The following NLRP5 variants were observed in gnomAD, a reference collection of about 807,000 sequenced individuals.
NLRP5 encodes the protein NLR family pyrin domain containing 5.
Under a neutral mutation model 113.1 loss-of-function variants are expected in NLRP5, and 93 were observed. The ratio of observed to expected loss-of-function variants is 0.82; its 90% CI spans 0.70 to 0.98. The LOEUF is 0.98. Ranked by LOEUF, NLRP5 falls within the 50% of genes least tolerant of loss-of-function variation. The probability of loss-of-function intolerance (pLI) is 0.00; values close to 1 mark genes in which losing one functional copy is unlikely to be tolerated. For synonymous variants in NLRP5, 751 were observed against 600.7 expected (o/e 1.25, Z -3.66); for missense variants, 1,808 against 1,514.3 (o/e 1.19, Z -3.22).
At chr19:56,007,779 G>T (rs1245601552) in intron 2 of NLRP5, among the ~76,000 whole-genome samples, 1 of 151,274 alleles carries the variant, frequency 6.6e-6, no homozygotes, top group Non-Finnish European at 1.5e-5. Context: ...TCTTTCTACT[G>T]TCCATGAGAT....
chr19:56,043,542 C>CTTTTTTTTTTTT lies in NLRP5; in HGVS notation c.2957+2480_2957+2491dup, dbSNP rs369622191. The stretch of plus-strand genomic sequence containing the variant: ...TGGATTGTCTGTTTACTCTGCTATT[C>CTTTTTTTTTTTT]TTTTTTTTTTTTTTTTTTTTTTTTT... On this transcript the variant is annotated intron_variant, in intron 11 of 14. Coordinates refer to ENST00000390649, the MANE Select transcript of NLRP5 (RefSeq NM_153447.4). Among the ~76,000 whole-genome samples the CTTTTTTTTTTTT allele has an allele frequency of 3.7e-4, 34 of 92,946 alleles. 8 individuals are homozygous for CTTTTTTTTTTTT. Among genetic ancestry groups the CTTTTTTTTTTTT allele is most frequent in the East Asian group, 1.9e-3 (4 of 2,110 alleles). 61.0% of individuals were successfully genotyped at this position (92,946 alleles called of 152,430 possible). A position where few individuals can be genotyped will look rare whatever the true frequency, so the allele number is the denominator to read the frequency against.
chr19:55,999,796 C>G, intron 1 of NLRP5: 3 of 1,610,730 alleles, frequency 1.9e-6, no homozygotes, highest in Non-Finnish European at 2.5e-6. Flanking sequence ...GCGTCGACAG[C>G]CTCTTAGAGT....
chr19:55,993,794 A>G, the NLRP5 span, among the ~76,000 whole-genome samples: 7 of 151,050 alleles, frequency 4.6e-5, no homozygotes, highest in Admixed American at 2.6e-4. Context: ...ATGAAGAGCT[A>G]CAGGCTCATC....
chr19:55,989,622 C>G, the NLRP5 span, among the ~76,000 whole-genome samples: 2 of 152,142 alleles, frequency 1.3e-5, no homozygotes, highest in Admixed American at 1.3e-4. Context: ...TTCCCTGCCC[C>G]CGTAGTGTCT....
chr19:56,025,378 G>T (rs954679723), intron 6 of NLRP5, among the ~76,000 whole-genome samples: 1 of 136,694 alleles, frequency 7.3e-6, no homozygotes, highest in Admixed American at 7.0e-5. Context: ...CTCAAGGAAC[G>T]TGCTCCGTTC....
chr19:56,015,600 C>A (rs143445496), intron 3 of NLRP5, 142 bp from the exon 4 acceptor site: 2 of 531,422 alleles, frequency 3.8e-6, no homozygotes, highest in Admixed American at 3.5e-5. Flanking sequence ...ACTGCCCTGG[C>A]GCTGAGCCAG....
At chr19:56,057,236 C>T (rs1984190859) in intron 13 of NLRP5, among the ~76,000 whole-genome samples, 3 of 152,164 alleles carry the variant, frequency 2.0e-5, no homozygotes, top group African/African-American at 7.2e-5. Flanking sequence ...TTTAGTATAT[C>T]TGGTGAACTA....
intron 3 of NLRP5, among the ~76,000 whole-genome samples, 158 bp from the exon 4 acceptor site, chr19:56,015,584 G>A: frequency 6.6e-6 from 1 of 152,200 alleles, no homozygotes; most frequent in East Asian, 1.9e-4. Flanking sequence ...TATGTTACTG[G>A]CGCACACTGC....
At chr19:56,056,607 A>T (rs1399986295) in intron 13 of NLRP5, among the ~76,000 whole-genome samples, 1 of 152,124 alleles carries the variant, frequency 6.6e-6, no homozygotes, top group South Asian at 2.1e-4. Context: ...TGTTAATCAG[A>T]GGTTAGTTTC....
the NLRP5 span, chr19:55,987,909 C>G: frequency 6.2e-7 from 1 of 1,610,346 alleles, no homozygotes; most frequent in South Asian, 1.1e-5. Flanking sequence ...CAGATTAATC[C>G]TTAGGCCGTC....
chr19:56,058,543 C>A, intron 14 of NLRP5, 133 bp downstream of exon 14: 1 of 730,188 alleles, frequency 1.4e-6, no homozygotes, highest in Non-Finnish European at 2.2e-6. Flanking sequence ...TTGGTGAGTG[C>A]CCACTACGTT....
the NLRP5 span, among the ~76,000 whole-genome samples, chr19:55,990,131 C>G: frequency 4.7e-5 from 6 of 126,328 alleles, no homozygotes; most frequent in East Asian, 1.6e-3. Context: ...ACTCTATGCC[C>G]AGGCTGGAGT....
chr19:56,012,448 CTT>C (rs60128070), intron 3 of NLRP5, among the ~76,000 whole-genome samples: 4,268 of 136,074 alleles, frequency 0.031, 97 homozygotes, highest in African/African-American at 0.064. Context: ...GCGCCTTGGC[CTT>C]TTTTTTTTTT....
At chr19:56,055,607 G>A (rs527474694) in intron 13 of NLRP5, among the ~76,000 whole-genome samples, 80 of 130,826 alleles carry the variant, frequency 6.1e-4, no homozygotes, top group African/African-American at 1.7e-3. Context: ...GTGCAGTGGC[G>A]CGATCTCAGC....
chr19:56,046,095 A>G (rs1384956800), intron 11 of NLRP5, among the ~76,000 whole-genome samples: 2 of 152,188 alleles, frequency 1.3e-5, no homozygotes, highest in East Asian at 3.9e-4. Flanking sequence ...TGGGTTTGTC[A>G]TAGATAGCTT....
At chr19:55,997,930 T>C (rs1599872477), upstream of NLRP5, among the ~76,000 whole-genome samples, 1 of 152,176 alleles carries the variant, frequency 6.6e-6, no homozygotes, top group East Asian at 1.9e-4. Context: ...ATACTATTTA[T>C]ACATCCATTG....
At chr19:56,048,672 G>C (rs1424709057) in intron 11 of NLRP5, among the ~76,000 whole-genome samples, 1 of 152,078 alleles carries the variant, frequency 6.6e-6, no homozygotes, top group Non-Finnish European at 1.5e-5. Flanking sequence ...CTTAATTTTA[G>C]ATAAGCTGAT....
intron 3 of NLRP5, among the ~76,000 whole-genome samples, chr19:56,014,536 C>T (rs1982332951): frequency 6.6e-6 from 1 of 151,586 alleles, no homozygotes; most frequent in South Asian, 2.1e-4. Context: ...CCAATATTTC[C>T]TCTTAAGGAT....
upstream of NLRP5, among the ~76,000 whole-genome samples, chr19:55,997,222 C>G (rs766136491): frequency 3.0e-4 from 46 of 151,936 alleles, no homozygotes; most frequent in Non-Finnish European, 6.0e-4. Context: ...TTATCAAATG[C>G]TTTTTCTGCA....
Sources: gnomAD v4.1 joint callset for allele counts (sites outside exome capture counted in the v4.1 genomes callset) on GRCh38, gnomAD v4.1.1 for gene constraint, MANE v1.5 for transcripts, NCBI Gene and HGNC (gene_info 2026-07-23, HGNC 2026-07-21) for gene names.